Variants in ADCY2 observed in about 807,000 individuals in gnomAD.
ADCY2 encodes the protein adenylate cyclase 2.
ADCY2 carries 31 observed loss-of-function variants against 125.2 expected under a neutral mutation model. That is an observed-to-expected ratio of 0.25 (90% CI 0.19 to 0.33). ADCY2 has a LOEUF of 0.33. ADCY2 is among the 10% of genes least tolerant of loss of function. ADCY2 has a pLI of 1.00. For missense variants in ADCY2, 904 were observed against 1,418.2 expected, an observed-to-expected ratio of 0.64 and a Z score of 5.82; for synonymous variants, 512 against 548.4, an observed-to-expected ratio of 0.93 and a Z score of 0.93.
chr5:7,757,623 G>T (rs1436651924), intron 16 of ADCY2, 37 bp downstream of exon 16: 1 of 1,602,224 alleles, frequency 6.2e-7, no homozygotes, highest in Non-Finnish European at 8.5e-7. Context: ...AACATGGTAA[G>T]CCCCAGAGCA....
rs533704179 is a variant in ADCY2 at position 7,732,998 on chromosome 5, G to A, written c.1871+5737G>A. On this transcript the variant is annotated intron_variant, in intron 14 of 24. Coordinates refer to ENST00000338316, the MANE Select transcript of ADCY2 (RefSeq NM_020546.3). ...ATTAGAAACATGAGCTACCTTCAAA[G>A]ACCAAAAATGATCAAGCATGAATTG... Among the ~76,000 whole-genome samples, 4 of 152,310 alleles carry A rather than the reference G, an allele frequency of 2.6e-5. No individual in the cohort carries two copies. The South Asian group carries it at 8.3e-4, about 32-fold the overall frequency.
chr5:7,576,613 G>A (rs1394508028), intron 3 of ADCY2, among the ~76,000 whole-genome samples: 3 of 152,154 alleles, frequency 2.0e-5, no homozygotes, highest in Non-Finnish European at 4.4e-5. Flanking sequence ...ACTAGACAAG[G>A]CAATATTATT....
chr5:7,446,749 AC>A (rs1741271545), intron 2 of ADCY2, among the ~76,000 whole-genome samples: 1 of 152,226 alleles, frequency 6.6e-6, no homozygotes, highest in Admixed American at 6.5e-5. Flanking sequence ...ACGTGTGTGC[AC>A]AGTATAGATA....
At chr5:7,661,563 A>G (rs1739532650) in intron 4 of ADCY2, among the ~76,000 whole-genome samples, 1 of 152,264 alleles carries the variant, frequency 6.6e-6, no homozygotes, top group Middle Eastern at 3.2e-3. Flanking sequence ...AGATTGGTTT[A>G]TCCCGACACT....
intron 4 of ADCY2, among the ~76,000 whole-genome samples, chr5:7,648,249 G>T (rs1233114083): frequency 6.6e-6 from 1 of 151,812 alleles, no homozygotes; most frequent in Non-Finnish European, 1.5e-5. Context: ...TCTATCTTGT[G>T]GGCAGAATGT....
intron 2 of ADCY2, among the ~76,000 whole-genome samples, chr5:7,519,153 G>C (rs1424504990): frequency 6.6e-6 from 1 of 152,162 alleles, no homozygotes; most frequent in African/African-American, 2.4e-5. Context: ...CAGCTGATCA[G>C]ACACCACCCT....
chr5:7,788,285 T>C (rs1018340726), intron 19 of ADCY2, among the ~76,000 whole-genome samples: 3 of 152,192 alleles, frequency 2.0e-5, no homozygotes, highest in Non-Finnish European at 4.4e-5. Flanking sequence ...GTTCAAGTGA[T>C]TCTCCTGCTT....
intron 14 of ADCY2, among the ~76,000 whole-genome samples, chr5:7,732,680 G>A (rs572122356): frequency 8.6e-5 from 13 of 150,416 alleles, no homozygotes; most frequent in Non-Finnish European, 1.9e-4. Flanking sequence ...TGTTTCATTT[G>A]TTTAGCTTTC....
At chr5:7,408,035 A>AT (rs1739567945) in intron 1 of ADCY2, among the ~76,000 whole-genome samples, 2 of 151,354 alleles carry the variant, frequency 1.3e-5, no homozygotes, top group Non-Finnish European at 3.0e-5. Flanking sequence ...TACTCAACTA[A>AT]TTTTTTGTAT....
intron 3 of ADCY2, among the ~76,000 whole-genome samples, chr5:7,609,242 C>T (rs1047904123): frequency 1.3e-5 from 2 of 152,188 alleles, no homozygotes; most frequent in African/African-American, 4.8e-5. Flanking sequence ...GGGATAATAT[C>T]TTATGAAGCA....
chr5:7,623,733 TAC>T (rs1279004750), intron 3 of ADCY2, among the ~76,000 whole-genome samples: 1 of 152,198 alleles, frequency 6.6e-6, no homozygotes, highest in Non-Finnish European at 1.5e-5. Context: ...TGCACCTCCT[TAC>T]ACACAGACTG....
At chr5:7,542,247 T>C (rs1480958330) in intron 3 of ADCY2, among the ~76,000 whole-genome samples, 1 of 152,068 alleles carries the variant, frequency 6.6e-6, no homozygotes, top group Non-Finnish European at 1.5e-5. Context: ...GTGTTGAAAG[T>C]AAAATGTTAC....
intron 3 of ADCY2, among the ~76,000 whole-genome samples, chr5:7,528,836 T>G (rs1025934623): frequency 6.6e-6 from 1 of 152,204 alleles, no homozygotes; most frequent in Non-Finnish European, 1.5e-5. Flanking sequence ...TGTTTGTTTT[T>G]TAGGGAGGGG....
At chr5:7,597,247 C>T (rs1168840160) in intron 3 of ADCY2, among the ~76,000 whole-genome samples, 10 of 152,312 alleles carry the variant, frequency 6.6e-5, no homozygotes, top group Admixed American at 3.9e-4. Flanking sequence ...GCCAGGGCTG[C>T]GGTTTGGGCT....
At chr5:7,432,861 TTATG>T (rs1258969085) in intron 2 of ADCY2, among the ~76,000 whole-genome samples, 1 of 137,902 alleles carries the variant, frequency 7.3e-6, no homozygotes, top group African/African-American at 2.8e-5. Context: ...TCACAGGTGT[TTATG>T]TATGTCAAAA....
intron 3 of ADCY2, among the ~76,000 whole-genome samples, chr5:7,583,828 G>A (rs1239137750): frequency 3.9e-5 from 6 of 152,080 alleles, no homozygotes; most frequent in Admixed American, 6.5e-5. Flanking sequence ...AACAGCTGAA[G>A]TGTCCAGGAA....
intron 18 of ADCY2, 102 bp from the exon 19 acceptor site, chr5:7,784,263 A>G: frequency 1.2e-6 from 1 of 832,056 alleles, no homozygotes; most frequent in East Asian, 2.5e-5. Flanking sequence ...TGATGTAGAC[A>G]GGCACTAGAG....
chr5:7,541,020 A>G (rs1475155127), intron 3 of ADCY2, among the ~76,000 whole-genome samples: 1 of 152,124 alleles, frequency 6.6e-6, no homozygotes, highest in Non-Finnish European at 1.5e-5. Context: ...TGGCCCGCCT[A>G]TAGTCAACCC....
chr5:7,575,404 C>A (rs906965112), intron 3 of ADCY2, among the ~76,000 whole-genome samples: 1 of 151,870 alleles, frequency 6.6e-6, no homozygotes, highest in Non-Finnish European at 1.5e-5. Context: ...GTTCAAGAAA[C>A]AGTAATGTAT....
Sources: allele counts gnomAD v4.1 joint callset (sites outside exome capture counted in the v4.1 genomes callset), GRCh38; gene constraint gnomAD v4.1.1; transcripts MANE v1.5; gene names NCBI Gene and HGNC (gene_info 2026-07-23, HGNC 2026-07-21).